Variants in EPHB3 observed in about 807,000 individuals in gnomAD.
EPHB3 encodes EPH receptor B3.
A neutral mutation model predicts 100.2 loss-of-function variants in EPHB3; 33 were observed. That is an observed-to-expected ratio of 0.33 (90% CI 0.25 to 0.44). The LOEUF (loss-of-function observed/expected upper bound fraction) is 0.44. EPHB3 is among the 20% of genes least tolerant of loss of function. The pLI, the probability that EPHB3 is intolerant of heterozygous loss-of-function variation, is 1.00. For missense variants in EPHB3, 1,045 were observed against 1,378.3 expected (o/e 0.76, Z 3.83); for synonymous variants, 526 against 554.7 (o/e 0.95, Z 0.73).
In EPHB3 at chr3:184,578,521, C is replaced by G. The variant is rs1714741376; in HGVS notation, c.1801+55C>G. 1 of 1,608,630 alleles carries G rather than the reference C, an allele frequency of 6.2e-7. No individual in the cohort carries two copies. Among genetic ancestry groups the G allele is most frequent in the Non-Finnish European group, 8.5e-7 (1 of 1,175,772 alleles). ...CTCTCCCAGCCCCCTGCAGGGCTCT[C>G]AGACACCCTTCTCCCTGCCTGGGAC... On this transcript the variant is annotated intron_variant, in intron 9 of 15. Coordinates refer to ENST00000330394, the MANE Select transcript of EPHB3 (RefSeq NM_004443.4). The surrounding 1 kb of genome is among the most constrained non-coding windows in gnomAD (Gnocchi z 4.7).
At position 184,577,141 on chromosome 3, in the gene EPHB3, C is replaced by T. The variant is rs749567734; in HGVS notation, c.1312C>T (p.Pro438Ser). The T allele has an allele frequency of 1.2e-6, 2 of 1,609,490 alleles. No homozygotes were observed. Among genetic ancestry groups the T allele is most frequent in the Admixed American group, 3.3e-5 (2 of 59,820 alleles). The change falls in exon 5 of 16, where the codon CCG (proline) becomes TCG (serine). Residue 438 changes from proline (P) to serine (S), a missense_variant. Transcript: ENST00000330394. This position sits in a 1 kb window ranked among gnomAD's most constrained non-coding sequence, Gnocchi z 4.9. ...VNGVSGKSPL[P>S]PRYAAVNITT... ...CGGTGTCTCGGGCAAGAGCCCTCTG[C>T]CGCCTCGTTATGCGGCCGTGAATAT...
chr3:184,572,724 A>G lies in EPHB3; in HGVS notation c.404A>G (p.Tyr135Cys). The G allele has an allele frequency of 6.2e-7, 1 of 1,613,020 alleles. No homozygotes were observed. The highest frequency in any genetic ancestry group is 8.5e-7 in the Non-Finnish European group (1 of 1,179,738). ...AAGGAGACCTTCAACCTCTTCTACT[A>G]CGAGGCTGACAGCGATGTGGCCTCA... ...SCKETFNLFY[Y>C]EADSDVASAS... The change falls in exon 3 of 16, where the codon TAC becomes TGC. Residue 135 changes from tyrosine to cysteine, a missense_variant. By Grantham distance (194) the Tyr-to-Cys change is radical. Coordinates refer to ENST00000330394, the MANE Select transcript of EPHB3 (RefSeq NM_004443.4). The surrounding 1 kb of genome is among the most constrained non-coding windows in gnomAD (Gnocchi z 6.6).
At chr3:184,567,848 T>C (rs1659130813) in intron 1 of EPHB3, among the ~76,000 whole-genome samples, 1 of 152,124 alleles carries the variant, frequency 6.6e-6, no homozygotes, top group Non-Finnish European at 1.5e-5. Context: ...TGCACATAGG[T>C]AGGCTGGAAG....
In EPHB3 at chr3:184,581,154, C is replaced by T. The variant is rs551443278; in HGVS notation, c.2721C>T (p.Ser907=). ...RNAASLKVIA[S]AQSGMSQPLL... ...CTGCCAGCCTCAAGGTCATTGCCAG[C>T]GCTCAGTCTGGGTTAGTACCTCTGC... is the stretch of plus-strand genomic sequence containing the variant. Residue 907 remains serine, a synonymous_variant, in exon 14 of 16, where the codon AGC becomes AGT. Transcript: ENST00000330394. The T allele has an allele frequency of 2.0e-5, 32 of 1,613,992 alleles. No homozygotes were observed. The highest frequency in any genetic ancestry group is 4.0e-5 in the African/African-American group (3 of 75,066).
intron 1 of EPHB3, among the ~76,000 whole-genome samples, chr3:184,564,236 C>A (rs191732386): frequency 4.1e-4 from 63 of 152,362 alleles, no homozygotes; most frequent in African/African-American, 1.5e-3. Flanking sequence ...TAGGGCTACT[C>A]CCTGGCTGTG....
intron 1 of EPHB3, among the ~76,000 whole-genome samples, chr3:184,568,054 C>T (rs992769385): frequency 6.6e-6 from 1 of 152,142 alleles, no homozygotes; most frequent in Non-Finnish European, 1.5e-5. Flanking sequence ...TATGTGTTGA[C>T]TTGTCACTCT....
rs985684357 is a variant in EPHB3 at position 184,573,309 on chromosome 3, G to A, written c.856+133G>A. On this transcript the variant is annotated intron_variant, in intron 3 of 15. Coordinates refer to ENST00000330394, the MANE Select transcript of EPHB3 (RefSeq NM_004443.4). The surrounding 1 kb of genome is among the most constrained non-coding windows in gnomAD (Gnocchi z 4.5). Reference sequence around the variant, plus strand: ...GCAGGTCCACAGTGGAGGCAGGAGAGGGAAGAGTGGGGATCAGATGCAGAG... The same window carrying A: ...GCAGGTCCACAGTGGAGGCAGGAGAAGGAAGAGTGGGGATCAGATGCAGAG... 3 of 1,061,374 alleles carry A rather than the reference G, an allele frequency of 2.8e-6. No homozygotes were observed. Among genetic ancestry groups the A allele is most frequent in the Admixed American group, 2.3e-5 (1 of 43,582 alleles). 65.7% of individuals were successfully genotyped at this position (1,061,374 alleles called of 1,614,324 possible). A position where few individuals can be genotyped will look rare whatever the true frequency, so the allele number is the denominator to read the frequency against.
Position 184,572,880 on chromosome 3 carries a change from C to T in EPHB3, c.560C>T (p.Ala187Val), listed in dbSNP as rs1560057872. The change falls in exon 3 of 16, where the codon GCT becomes GTT. Residue 187 changes from alanine to valine, a missense_variant. Ala to Val is a moderately conservative substitution (Grantham distance 64). This residue lies in a region of EPHB3 where 985 missense variants were observed against 1,331.1 expected (regional missense o/e 0.74). Coordinates refer to ENST00000330394, the MANE Select transcript of EPHB3 (RefSeq NM_004443.4). This position sits in a 1 kb window ranked among gnomAD's most constrained non-coding sequence, Gnocchi z 6.6. ...KVRSFGPLSK[A>V]GFYLAFQDQG... Reference sequence around the variant, plus strand: ...CGCAGCTTTGGGCCACTTTCCAAGGCTGGCTTCTACCTGGCCTTCCAGGAC... The same window carrying T: ...CGCAGCTTTGGGCCACTTTCCAAGGTTGGCTTCTACCTGGCCTTCCAGGAC... The T allele has an allele frequency of 6.4e-7, 1 of 1,560,640 alleles. No individual in the cohort carries two copies.
Position 184,578,161 on chromosome 3 carries a change from A to G in EPHB3, c.1748+155A>G. Reference sequence around the variant, plus strand: ...GCCGTTGCTGGAGAAGCCCTCTCCCATCCCTGCCTGTGTCTTCATCCCGCC... The same window carrying G: ...GCCGTTGCTGGAGAAGCCCTCTCCCGTCCCTGCCTGTGTCTTCATCCCGCC... On this transcript the variant is annotated intron_variant, in intron 8 of 15. Coordinates refer to ENST00000330394, the MANE Select transcript of EPHB3 (RefSeq NM_004443.4). The surrounding 1 kb of genome is among the most constrained non-coding windows in gnomAD (Gnocchi z 4.7). The G allele has an allele frequency of 1.1e-6, 1 of 904,726 alleles. No homozygotes were observed. The highest frequency in any genetic ancestry group is 1.6e-6 in the Non-Finnish European group (1 of 609,372). The allele number at this position is 904,726 out of a possible 1,614,324, so 56.0% of individuals were successfully genotyped here. A position where few individuals can be genotyped will look rare whatever the true frequency, so the allele number is the denominator to read the frequency against.
chr3:184,570,144 C>T (rs548816958), intron 1 of EPHB3, among the ~76,000 whole-genome samples: 4 of 152,278 alleles, frequency 2.6e-5, no homozygotes, highest in East Asian at 1.9e-4. Flanking sequence ...TGTGACAAAG[C>T]CCCTGGCCCT....
rs1484472241 is a variant in EPHB3, at chr3:184,563,785, T to C, written c.118+1432T>C. On this transcript the variant is annotated intron_variant, in intron 1 of 15. Transcript: ENST00000330394. This position sits in a 1 kb window ranked among gnomAD's most constrained non-coding sequence, Gnocchi z 4.1. ...GTGTGAGCCAGGGAGCCTGTTCTAG[T>C]TGCCAGATCTGTGTCTGGGTCTCTG... 2.0e-5 allele frequency among the ~76,000 whole-genome samples: 3 copies of C among 152,208 alleles called. No homozygotes were observed. Among genetic ancestry groups the C allele is most frequent in the African/African-American group, 7.2e-5 (3 of 41,450 alleles).
rs1028017470 is a variant in EPHB3 at position 184,578,689 on chromosome 3, C to A, written c.1801+223C>A. ...AATGACTGAGACGTGACCTCTCCCC[C>A]TAAAGGCAGTTAGTCCTGTGGGAAA... On this transcript the variant is annotated intron_variant, in intron 9 of 15. Transcript: ENST00000330394. The surrounding 1 kb of genome is among the most constrained non-coding windows in gnomAD (Gnocchi z 4.7). Among the ~76,000 whole-genome samples the A allele has an allele frequency of 3.3e-5, 5 of 152,220 alleles. No individual in the cohort carries two copies. Among genetic ancestry groups the A allele is most frequent in the African/African-American group, 1.2e-4 (5 of 41,448 alleles).
chr3:184,578,718 A>G lies in EPHB3; in HGVS notation c.1801+252A>G, dbSNP rs558119683. ...AGGCAGTTAGTCCTGTGGGAAAGAC[A>G]AGATGCAAACACACAGGAAACAATT... On this transcript the variant is annotated intron_variant, in intron 9 of 15. Transcript: ENST00000330394. This position sits in a 1 kb window ranked among gnomAD's most constrained non-coding sequence, Gnocchi z 4.7. Among the ~76,000 whole-genome samples, 11 of 152,344 alleles carry G rather than the reference A, an allele frequency of 7.2e-5. No homozygotes were observed. In the South Asian group the frequency reaches 2.3e-3, roughly 32 times the overall value.
chr3:184,562,792 T>C lies in EPHB3; in HGVS notation c.118+439T>C, dbSNP rs1021172089. On this transcript the variant is annotated intron_variant, in intron 1 of 15. Coordinates refer to ENST00000330394, the MANE Select transcript of EPHB3 (RefSeq NM_004443.4). The surrounding 1 kb of genome is among the most constrained non-coding windows in gnomAD (Gnocchi z 4.8). ...TTGGGGGGCGCTAATGAGGAGCCCGTTGGAGTTAACTGTGAGAGTGTGAGT... is the reference window on the plus strand; with the variant it reads ...TTGGGGGGCGCTAATGAGGAGCCCGCTGGAGTTAACTGTGAGAGTGTGAGT... Among the ~76,000 whole-genome samples the C allele has an allele frequency of 6.6e-6, 1 of 152,134 alleles. No homozygotes were observed. The highest frequency in any genetic ancestry group is 2.4e-5 in the African/African-American group (1 of 41,426).
At position 184,565,521 on chromosome 3, in the gene EPHB3, G is replaced by A. The variant is rs4608669; in HGVS notation, c.118+3168G>A. Among the ~76,000 whole-genome samples the A allele has an allele frequency of 3.7e-3, 561 of 152,232 alleles. 5 individuals are homozygous for A. Among genetic ancestry groups the A allele is most frequent in the African/African-American group, 0.013 (520 of 41,536 alleles). On this transcript the variant is annotated intron_variant, in intron 1 of 15. Transcript: ENST00000330394. This position sits in a 1 kb window ranked among gnomAD's most constrained non-coding sequence, Gnocchi z 4.8. The stretch of plus-strand genomic sequence containing the variant: ...AGATCGCAGGAGGTGGGGCCAGCAC[G>A]TCCCCCTCCAGCCAAGCCTTGGTAG...
Position 184,565,003 on chromosome 3 carries a change from G to A in EPHB3, c.118+2650G>A, listed in dbSNP as rs1714347556. Among the ~76,000 whole-genome samples the A allele has an allele frequency of 6.6e-6, 1 of 151,986 alleles. No homozygotes were observed. The highest frequency in any genetic ancestry group is 2.4e-5 in the African/African-American group (1 of 41,354). ...GGCATGACATTTATTTTGGCCCAGG[G>A]TCCCTGAGCCCTGGCTGCTACCTCT... On this transcript the variant is annotated intron_variant, in intron 1 of 15. Transcript: ENST00000330394. This position sits in a 1 kb window ranked among gnomAD's most constrained non-coding sequence, Gnocchi z 4.8.
rs902642991 is a variant in EPHB3 at position 184,571,221 on chromosome 3, TG to T, written c.119-94del. ...CACCTGCCTCAGACTCCCAAAGTGC[TG>T]GGATTACAGGTGTGAGCCACTTCGC... is the stretch of plus-strand genomic sequence containing the variant. On this transcript the variant is annotated intron_variant, in intron 1 of 15. Transcript: ENST00000330394. The surrounding 1 kb of genome is among the most constrained non-coding windows in gnomAD (Gnocchi z 5.0). 6 of 1,250,020 alleles carry T rather than the reference TG, an allele frequency of 4.8e-6. No homozygotes were observed. The African/African-American group carries it at 8.9e-5, about 18-fold the overall frequency. The allele number at this position is 1,250,020 out of a possible 1,614,324, so 77.4% of individuals were successfully genotyped here.
chr3:184,563,290 G>A lies in EPHB3; in HGVS notation c.118+937G>A, dbSNP rs1053773458. On this transcript the variant is annotated intron_variant, in intron 1 of 15. Coordinates refer to ENST00000330394, the MANE Select transcript of EPHB3 (RefSeq NM_004443.4). The surrounding 1 kb of genome is among the most constrained non-coding windows in gnomAD (Gnocchi z 4.1). Reference sequence around the variant, plus strand: ...CTCACGCCCCGTTTCCAAGAATTTCGGAGCCATTAAATGAGAGAGGGTCAG... The same window carrying A: ...CTCACGCCCCGTTTCCAAGAATTTCAGAGCCATTAAATGAGAGAGGGTCAG... 2.0e-5 allele frequency among the ~76,000 whole-genome samples: 3 copies of A among 152,106 alleles called. No individual in the cohort carries two copies. The highest frequency in any genetic ancestry group is 6.5e-5 in the Admixed American group (1 of 15,270).
chr3:184,567,744 G>A (rs1033117046), intron 1 of EPHB3, among the ~76,000 whole-genome samples: 4 of 152,196 alleles, frequency 2.6e-5, no homozygotes, highest in African/African-American at 9.6e-5. Flanking sequence ...GTGACTTGCA[G>A]CTGGTGATAG....
Sources: allele counts gnomAD v4.1 joint callset (sites outside exome capture counted in the v4.1 genomes callset), GRCh38; gene constraint gnomAD v4.1.1; regional missense constraint gnomAD v4.1.1; non-coding constraint Gnocchi (gnomAD v3.1); transcripts MANE v1.5; gene names NCBI Gene and HGNC (gene_info 2026-07-23, HGNC 2026-07-21).